Variants in STAG1 observed in about 807,000 individuals in gnomAD.
STAG1 encodes the protein STAG1 cohesin complex component.
In STAG1, 26 loss-of-function variants were observed where a neutral mutation model predicts 170.9. The observed-to-expected ratio is 0.15, with a 90% CI of 0.11 to 0.21. The LOEUF (loss-of-function observed/expected upper bound fraction) is 0.21, where lower values mean the gene tolerates loss of function less well. Ranked by LOEUF, STAG1 falls within the 10% of genes least tolerant of loss-of-function variation. The pLI, the probability that STAG1 is intolerant of heterozygous loss-of-function variation, is 1.00. For missense variants in STAG1, 964 were observed against 1,509.5 expected (o/e 0.64, Z 5.99); for synonymous variants, 514 against 497.7 (o/e 1.03, Z -0.44).
intron 3 of STAG1, among the ~76,000 whole-genome samples, chr3:136,620,100 A>T (rs1190000698): frequency 6.6e-6 from 1 of 152,094 alleles, no homozygotes; most frequent in Non-Finnish European, 1.5e-5. Context: ...AATAAAACAT[A>T]AAATAGAAGT....
chr3:136,565,126 A>T (rs1445890937), intron 5 of STAG1, among the ~76,000 whole-genome samples: 1 of 148,692 alleles, frequency 6.7e-6, no homozygotes, highest in Non-Finnish European at 1.5e-5. Context: ...AAGAAAGGAA[A>T]GAGAAAGGGA....
intron 1 of STAG1, among the ~76,000 whole-genome samples, chr3:136,700,876 C>CTATTTTTTTT (rs1943035739): frequency 1.3e-5 from 1 of 78,356 alleles, no homozygotes; most frequent in Non-Finnish European, 2.3e-5. Context: ...TATTTTTTTT[C>CTATTTTTTTT]TTTTTTTTTT....
At chr3:136,683,155 G>A (rs1942396586) in intron 1 of STAG1, among the ~76,000 whole-genome samples, 1 of 152,094 alleles carries the variant, frequency 6.6e-6, no homozygotes, top group Admixed American at 6.5e-5. Flanking sequence ...TTTCACTTCT[G>A]CAAAACAAGA....
chr3:136,469,339 AACAG>A (rs2089560028), intron 12 of STAG1, among the ~76,000 whole-genome samples: 4 of 152,318 alleles, frequency 2.6e-5, no homozygotes. Flanking sequence ...ATACACCAGT[AACAG>A]ACAAACAGAG....
intron 3 of STAG1, among the ~76,000 whole-genome samples, chr3:136,616,518 A>G (rs1187298913): frequency 6.6e-6 from 1 of 152,228 alleles, no homozygotes; most frequent in Non-Finnish European, 1.5e-5. Flanking sequence ...TATACTTCCT[A>G]AAGTGATCAC....
At chr3:136,433,290 C>T (rs377652005) in intron 16 of STAG1, among the ~76,000 whole-genome samples, 3 of 151,436 alleles carry the variant, frequency 2.0e-5, no homozygotes, top group South Asian at 2.1e-4. Flanking sequence ...TTTTAATAGA[C>T]GTAAAAATCC....
chr3:136,506,395 C>T (rs1167105346), intron 7 of STAG1, among the ~76,000 whole-genome samples: 2 of 149,208 alleles, frequency 1.3e-5, no homozygotes, highest in African/African-American at 5.0e-5. Flanking sequence ...CTTTGGGAGT[C>T]TGAGGCAGGT....
chr3:136,507,822 A>G (rs973418214), intron 7 of STAG1, among the ~76,000 whole-genome samples: 1 of 152,200 alleles, frequency 6.6e-6, no homozygotes, highest in African/African-American at 2.4e-5. Context: ...AGATAACTCG[A>G]TATTTGCAGT....
intron 16 of STAG1, among the ~76,000 whole-genome samples, chr3:136,426,395 G>C (rs1272364167): frequency 6.6e-6 from 1 of 152,140 alleles, no homozygotes; most frequent in Non-Finnish European, 1.5e-5. Context: ...CTGGGCAATA[G>C]CGAGACTCCG....
chr3:136,406,987 A>G (rs1300668304), intron 21 of STAG1, among the ~76,000 whole-genome samples: 3 of 152,194 alleles, frequency 2.0e-5, no homozygotes, highest in Non-Finnish European at 2.9e-5. Flanking sequence ...GAAAAATCAC[A>G]TATTAACAGT....
At chr3:136,586,587 T>C (rs1271451062) in intron 4 of STAG1, among the ~76,000 whole-genome samples, 1 of 152,312 alleles carries the variant, frequency 6.6e-6, no homozygotes, top group African/African-American at 2.4e-5. Flanking sequence ...CCTTCAAGGA[T>C]CTAGCTCTAA....
At chr3:136,720,000 A>T (rs1469272692) in intron 1 of STAG1, among the ~76,000 whole-genome samples, 1 of 151,880 alleles carries the variant, frequency 6.6e-6, no homozygotes, top group African/African-American at 2.4e-5. Flanking sequence ...ATTACGGAGA[A>T]ATCCCATCTC....
At chr3:136,528,529 A>G (rs1447360262) in intron 6 of STAG1, among the ~76,000 whole-genome samples, 2 of 143,268 alleles carry the variant, frequency 1.4e-5, no homozygotes, top group African/African-American at 5.0e-5. Flanking sequence ...GTCCTGGAAA[A>G]GGAATCCAAA....
chr3:136,750,982 C>G (rs1261118443), intron 1 of STAG1, among the ~76,000 whole-genome samples: 1 of 152,198 alleles, frequency 6.6e-6, no homozygotes, highest in Non-Finnish European at 1.5e-5. Flanking sequence ...ACGAGGAAAA[C>G]TAAAATGTAG....
At chr3:136,342,615 G>A (rs1936027757) in intron 30 of STAG1, among the ~76,000 whole-genome samples, 1 of 152,248 alleles carries the variant, frequency 6.6e-6, no homozygotes, top group Non-Finnish European at 1.5e-5. Flanking sequence ...CTGAATAGTT[G>A]GGATCACAGG....
At chr3:136,468,024 T>C (rs1274841652) in intron 12 of STAG1, among the ~76,000 whole-genome samples, 2 of 152,170 alleles carry the variant, frequency 1.3e-5, no homozygotes, top group East Asian at 1.9e-4. Flanking sequence ...GAGGGAAATG[T>C]ATAGCACTAA....
At chr3:136,423,734 T>C (rs778261832) in intron 16 of STAG1, among the ~76,000 whole-genome samples, 11 of 152,244 alleles carry the variant, frequency 7.2e-5, no homozygotes, top group Non-Finnish European at 1.2e-4. Flanking sequence ...GCCATCATAA[T>C]GTCAAATGGT....
intron 7 of STAG1, among the ~76,000 whole-genome samples, chr3:136,508,051 A>G (rs1292059888): frequency 1.3e-5 from 2 of 152,174 alleles, no homozygotes; most frequent in Non-Finnish European, 2.9e-5. Flanking sequence ...CTGAGTGGAG[A>G]GAGTGAATAT....
At chr3:136,407,663 T>C (rs1449938035) in intron 21 of STAG1, among the ~76,000 whole-genome samples, 1 of 152,086 alleles carries the variant, frequency 6.6e-6, no homozygotes, top group Non-Finnish European at 1.5e-5. Context: ...AGTTTCATCA[T>C]GTTGGACAAG....
Sources: gnomAD v4.1 joint callset for allele counts (sites outside exome capture counted in the v4.1 genomes callset) on GRCh38, gnomAD v4.1.1 for gene constraint, MANE v1.5 for transcripts, NCBI Gene and HGNC (gene_info 2026-07-23, HGNC 2026-07-21) for gene names.